The following FGF23 variants were observed in gnomAD, a reference collection of about 807,000 sequenced individuals.
FGF23 encodes the protein phosphatonin.
A neutral mutation model predicts 9.0 loss-of-function variants in FGF23; 8 were observed. The observed-to-expected ratio is 0.89, with a 90% confidence interval of 0.52 to 1.60. The LOEUF is 1.60. Among genes scored for constraint, FGF23 ranks in the 40% most tolerant of loss-of-function variants. The pLI is 0.00. For missense variants in FGF23, 311 were observed against 344.3 expected (o/e 0.90, Z 0.77); for synonymous variants, 118 against 146.2 (o/e 0.81, Z 1.39).
intron 1 of FGF23, among the ~76,000 whole-genome samples, chr12:4,376,129 T>A (rs892334850): frequency 1.3e-5 from 2 of 152,152 alleles, no homozygotes; most frequent in African/African-American, 4.8e-5. Context: ...GCTGTTTCCA[T>A]ATAATAAGGA....
Position 4,379,589 on chromosome 12 carries a change from C to G in FGF23, c.-7G>C. 6.3e-7 allele frequency: 1 copy of G among 1,589,472 alleles called. No individual in the cohort carries two copies. Among genetic ancestry groups the G allele is most frequent in the South Asian group, 1.1e-5 (1 of 89,124 alleles). On this transcript the variant is annotated 5_prime_UTR_variant, in exon 1 of 3. Coordinates refer to ENST00000237837, the MANE Select transcript of FGF23 (RefSeq NM_020638.3). ...TGAGGCGGGCCCCCAACATCGTGCC[C>G]TGCTCTGAGTGGCTGGTGCTGAGAT...
intron 1 of FGF23, 36 bp from the exon 2 acceptor site, chr12:4,372,733 C>CA (rs3832879): frequency 3.7e-6 from 5 of 1,346,958 alleles, no homozygotes; most frequent in South Asian, 2.3e-5. Context: ...AGACTCATTG[C>CA]CATCCAATTC....
chr12:4,377,898 C>A (rs887702890), intron 1 of FGF23, among the ~76,000 whole-genome samples: 1 of 152,192 alleles, frequency 6.6e-6, no homozygotes, highest in Non-Finnish European at 1.5e-5. Context: ...GAATGCCAGG[C>A]ACATGGTAGA....
Position 4,370,755 on chromosome 12 carries a change from A to C in FGF23, c.344T>G (p.Phe115Cys). Residue 115 changes from phenylalanine to cysteine, a missense_variant, in exon 3 of 3, where the codon TTC becomes TGC. This residue lies in a region of FGF23 where 206 missense variants were observed against 219.2 expected (regional missense o/e 0.94). Coordinates refer to ENST00000237837, the MANE Select transcript of FGF23 (RefSeq NM_020638.3). ...CCCGTTTTCCAGCGTCTGGTGTTGG[A>C]ACCTGCAGTTCTCCGGGTCGAAATA... ...SHYFDPENCR[F>C]QHQTLENGYD... 1 of 1,613,996 alleles carries C rather than the reference A, an allele frequency of 6.2e-7. No homozygotes were observed. The highest frequency in any genetic ancestry group is 8.5e-7 in the Non-Finnish European group (1 of 1,179,986).
intron 1 of FGF23, among the ~76,000 whole-genome samples, chr12:4,374,312 G>T (rs755566583): frequency 8.5e-5 from 13 of 152,180 alleles, no homozygotes; most frequent in Non-Finnish European, 1.2e-4. Context: ...CAAATGTATG[G>T]CTAGTTTTGT....
In FGF23 at chr12:4,370,426, C is replaced by A. The variant is rs750025882; in HGVS notation, c.673G>T (p.Gly225Trp). Reference protein sequence around the residue: ...DNSPMASDPLGVVRGGRVNTH... With the variant: ...DNSPMASDPLWVVRGGRVNTH... ...TTCACTCGACCGCCCCTGACCACCC[C>A]TAATGGGTCACTGGCCATCGGGCTG... is the stretch of plus-strand genomic sequence containing the variant. The change falls in exon 3 of 3, where the codon GGG becomes TGG. Residue 225 changes from glycine to tryptophan, a missense_variant. Gly to Trp is a radical substitution (Grantham distance 184, BLOSUM62 -2). Transcript: ENST00000237837. 2 of 1,613,686 alleles carry A rather than the reference C, an allele frequency of 1.2e-6. No individual in the cohort carries two copies. Among genetic ancestry groups the A allele is most frequent in the Non-Finnish European group, 1.7e-6 (2 of 1,179,980 alleles).
intron 1 of FGF23, among the ~76,000 whole-genome samples, chr12:4,375,314 C>T (rs767316409): frequency 4.6e-5 from 7 of 152,130 alleles, no homozygotes; most frequent in Non-Finnish European, 7.4e-5. Flanking sequence ...GTGTGTATGG[C>T]ACACACGCTC....
intron 2 of FGF23, among the ~76,000 whole-genome samples, chr12:4,372,254 CA>C (rs1429848300): frequency 6.6e-6 from 1 of 150,462 alleles, no homozygotes; most frequent in Non-Finnish European, 1.5e-5. Context: ...TGCAGCACAC[CA>C]GCATGGCACA....
At chr12:4,372,070 G>A (rs907482638) in intron 2 of FGF23, among the ~76,000 whole-genome samples, 21 of 150,082 alleles carry the variant, frequency 1.4e-4, no homozygotes, top group African/African-American at 3.7e-4. Context: ...GTAAACTATC[G>A]CAAGAACAAA....
At chr12:4,373,178 G>A (rs1162703104) in intron 1 of FGF23, among the ~76,000 whole-genome samples, 1 of 152,176 alleles carries the variant, frequency 6.6e-6, no homozygotes, top group Non-Finnish European at 1.5e-5. Context: ...TAATACATCA[G>A]TCAACACCCA....
rs867947793 is a variant in FGF23 at position 4,369,921 on chromosome 12, G to A, written c.*422C>T. On this transcript the variant is annotated 3_prime_UTR_variant, in exon 3 of 3. Coordinates refer to ENST00000237837, the MANE Select transcript of FGF23 (RefSeq NM_020638.3). ...CAGTGGAGAAGCTTCTGGGATCTCCGATTTCCTCTTCCCTACACCTTCAAA... is the reference window on the plus strand; with the variant it reads ...CAGTGGAGAAGCTTCTGGGATCTCCAATTTCCTCTTCCCTACACCTTCAAA... 1.8e-5 allele frequency: 4 copies of A among 223,362 alleles called. No homozygotes were observed. The highest frequency in any genetic ancestry group is 7.4e-5 in the African/African-American group (3 of 40,626). The allele number at this position is 223,362 out of a possible 1,614,324, so 13.8% of individuals were successfully genotyped here. A position where few individuals can be genotyped will look rare whatever the true frequency, so the allele number is the denominator to read the frequency against.
intron 2 of FGF23, among the ~76,000 whole-genome samples, chr12:4,371,863 G>A (rs1466666162): frequency 6.6e-6 from 1 of 152,048 alleles, no homozygotes; most frequent in Non-Finnish European, 1.5e-5. Flanking sequence ...GAATTGACAT[G>A]ACTTGAGGAC....
Position 4,370,728 on chromosome 12 carries a change from T to C in FGF23, c.371A>G (p.Tyr124Cys), listed in dbSNP as rs1472287974. The change falls in exon 3 of 3, where the codon TAC (tyrosine) becomes TGC (cysteine). Residue 124 changes from tyrosine to cysteine, a missense_variant. Physicochemically the swap from Tyr to Cys is radical, Grantham distance 194. This residue lies in a region of FGF23 where 206 missense variants were observed against 219.2 expected (regional missense o/e 0.94). Transcript: ENST00000237837. ...ATACTGAGGAGAGTGGTAGACGTCG[T>C]ACCCGTTTTCCAGCGTCTGGTGTTG... is the stretch of plus-strand genomic sequence containing the variant. Reference protein sequence around the residue: ...RFQHQTLENGYDVYHSPQYHF... With the variant: ...RFQHQTLENGCDVYHSPQYHF... 6.2e-7 allele frequency: 1 copy of C among 1,614,156 alleles called. No homozygotes were observed. The highest frequency in any genetic ancestry group is 8.5e-7 in the Non-Finnish European group (1 of 1,180,012).
chr12:4,378,097 T>A (rs557074172), intron 1 of FGF23, among the ~76,000 whole-genome samples: 124 of 152,350 alleles, frequency 8.1e-4, no homozygotes, highest in African/African-American at 2.9e-3. Flanking sequence ...TCTCCTTTTA[T>A]CTCCTGTCAA....
In FGF23 at chr12:4,379,507, G is replaced by A; in HGVS notation, c.76C>T (p.Pro26Ser). The part of the protein sequence containing the change: ...VCSMSVLRAY[P>S]NASPLLGSSW... The stretch of plus-strand genomic sequence containing the variant: ...GAGCCGAGCAGTGGGGAGGCATTGG[G>A]ATAGGCTCTGAGGACGCTCATGCTG... Residue 26 changes from proline to serine, a missense_variant, in exon 1 of 3, where the codon CCC becomes TCC. Coordinates refer to ENST00000237837, the MANE Select transcript of FGF23 (RefSeq NM_020638.3). 1 of 1,612,936 alleles carries A rather than the reference G, an allele frequency of 6.2e-7. No individual in the cohort carries two copies. The highest frequency in any genetic ancestry group is 8.5e-7 in the Non-Finnish European group (1 of 1,180,028).
intron 2 of FGF23, among the ~76,000 whole-genome samples, chr12:4,371,626 G>T (rs1865064333): frequency 6.6e-6 from 1 of 152,224 alleles, no homozygotes; most frequent in Admixed American, 6.5e-5. Context: ...GAAATCCTTT[G>T]CTTACCAATC....
chr12:4,370,772 G>C lies in FGF23; in HGVS notation c.327C>G (p.Asp109Glu), dbSNP rs1865056225. 6.2e-7 allele frequency: 1 copy of C among 1,613,900 alleles called. No homozygotes were observed. The highest frequency in any genetic ancestry group is 8.5e-7 in the Non-Finnish European group (1 of 1,180,012). ...RGNIFGSHYF[D>E]PENCRFQHQT... ...GGTGTTGGAACCTGCAGTTCTCCGG[G>C]TCGAAATAGTGCTGGAAGGACAAGA... Residue 109 changes from aspartate (D) to glutamate (E), a missense_variant, in exon 3 of 3, where the codon GAC becomes GAG. Coordinates refer to ENST00000237837, the MANE Select transcript of FGF23 (RefSeq NM_020638.3).
chr12:4,374,767 A>G (rs918382227), intron 1 of FGF23, among the ~76,000 whole-genome samples: 1 of 152,162 alleles, frequency 6.6e-6, no homozygotes, highest in Non-Finnish European at 1.5e-5. Flanking sequence ...CATATTTTAA[A>G]TTCTCAAAAC....
Position 4,370,240 on chromosome 12 carries a change from G to GC in FGF23, c.*102dup. 1.7e-6 allele frequency: 2 copies of GC among 1,183,412 alleles called. No homozygotes were observed. Among genetic ancestry groups the GC allele is most frequent in the Non-Finnish European group, 2.5e-6 (2 of 805,746 alleles). 73.3% of individuals were successfully genotyped at this position (1,183,412 alleles called of 1,614,324 possible). A position where few individuals can be genotyped will look rare whatever the true frequency, so the allele number is the denominator to read the frequency against. On this transcript the variant is annotated 3_prime_UTR_variant, in exon 3 of 3. Coordinates refer to ENST00000237837, the MANE Select transcript of FGF23 (RefSeq NM_020638.3). ...CAGAGAAGCAGCAAATTCCATACAT[G>GC]CCCCTGTCACCTTTCCCATCCTCGG... is the stretch of plus-strand genomic sequence containing the variant.
Sources: gnomAD v4.1 joint callset for allele counts (sites outside exome capture counted in the v4.1 genomes callset) on GRCh38, gnomAD v4.1.1 for gene constraint, gnomAD v4.1.1 regional missense constraint, MANE v1.5 for transcripts, NCBI Gene and HGNC (gene_info 2026-07-23, HGNC 2026-07-21) for gene names.